SLC49A4: variants seen among roughly 807,000 people sequenced by gnomAD.
SLC49A4 encodes the protein solute carrier family 49 member 4.
Under a neutral mutation model 50.6 loss-of-function variants are expected in SLC49A4, and 36 were observed. The observed-to-expected ratio is 0.71, with a 90% CI of 0.55 to 0.94. The LOEUF (loss-of-function observed/expected upper bound fraction) is 0.94. Among genes scored for constraint, SLC49A4 ranks in the 40% least tolerant of loss-of-function variants. SLC49A4 has a pLI of 0.00. For missense variants in SLC49A4, 503 were observed against 605.7 expected (o/e 0.83, Z 1.78); for synonymous variants, 248 against 241.2 (o/e 1.03, Z -0.26).
intron 6 of SLC49A4, among the ~76,000 whole-genome samples, chr3:122,857,111 C>T (rs1177906710): frequency 1.3e-5 from 2 of 151,982 alleles, no homozygotes; most frequent in Non-Finnish European, 2.9e-5. Flanking sequence ...TCCTGATTAG[C>T]AGACATTATT....
chr3:122,826,897 AG>A lies in SLC49A4; in HGVS notation c.538del (p.Ala180ProfsTer20). On this transcript the variant is annotated frameshift_variant, in exon 3 of 9. Transcript: ENST00000261038. LOFTEE classifies it high-confidence loss of function. ...TACGACGTGGTTTTCTGCAGATGAAAGGGCCACAGCCACAGCTATTGCATCA... is the reference window on the plus strand; with the variant it reads ...TACGACGTGGTTTTCTGCAGATGAAAGGCCACAGCCACAGCTATTGCATCA... ...LSTTWFSADE[R>X]ATATAIASML... 1 of 1,614,222 alleles carries A rather than the reference AG, an allele frequency of 6.2e-7. No homozygotes were observed. Among genetic ancestry groups the A allele is most frequent in the African/African-American group, 1.3e-5 (1 of 75,056 alleles).
At chr3:122,842,435 G>A (rs1055698924) in intron 4 of SLC49A4, among the ~76,000 whole-genome samples, 10 of 130,140 alleles carry the variant, frequency 7.7e-5, no homozygotes, top group Admixed American at 2.8e-4. Context: ...GCAGTGAGCC[G>A]AGATCGCGCC....
At chr3:122,873,183 C>CA (rs1222390937) in intron 8 of SLC49A4, among the ~76,000 whole-genome samples, 1 of 145,746 alleles carries the variant, frequency 6.9e-6, no homozygotes, top group Admixed American at 6.8e-5. Context: ...AATTTTGAAA[C>CA]TTTTTTTTTT....
rs1280675122 is a variant in SLC49A4, at chr3:122,860,184, C to T, written c.1120C>T (p.His374Tyr). Residue 374 changes from histidine (H) to tyrosine (Y), a missense_variant, in exon 7 of 9, where the codon CAC becomes TAC. Physicochemically the swap from His to Tyr is moderately conservative, Grantham distance 83. Transcript: ENST00000261038. ...FTLTCLNSIT[H>Y]LPLTTVTLYA... is the part of the protein sequence containing the mutation. ...CCTGACCTGTTTGAACAGCATCACA[C>T]ACCTACCTTTAACCACAGGTGAGCA... is the stretch of plus-strand genomic sequence containing the variant. The T allele has an allele frequency of 1.2e-6, 2 of 1,605,688 alleles. No homozygotes were observed. The highest frequency in any genetic ancestry group is 2.3e-5 in the East Asian group (1 of 44,364).
chr3:122,878,511 T>C (rs773239510), intron 8 of SLC49A4, among the ~76,000 whole-genome samples: 14 of 152,132 alleles, frequency 9.2e-5, no homozygotes, highest in Non-Finnish European at 2.1e-4. Flanking sequence ...CTGAGGATTG[T>C]CTTGTTGGAG....
At chr3:122,878,600 T>C (rs1937294745) in intron 8 of SLC49A4, among the ~76,000 whole-genome samples, 1 of 152,184 alleles carries the variant, frequency 6.6e-6, no homozygotes, top group Non-Finnish European at 1.5e-5. Flanking sequence ...GAATTGCCCA[T>C]TCAGATGATG....
In SLC49A4 at chr3:122,861,019, C is replaced by T. The variant is rs559623394; in HGVS notation, c.1138+817C>T. On this transcript the variant is annotated intron_variant, in intron 7 of 8. Transcript: ENST00000261038. ...GCAACCTTGGGTCAAGTCCTTTTCA[C>T]GTTGCATTATCTGTGCCTTTCTTCC... is the stretch of plus-strand genomic sequence containing the variant. Among the ~76,000 whole-genome samples the T allele has an allele frequency of 3.7e-4, 57 of 152,298 alleles. 1 individual carries two copies. Among genetic ancestry groups the T allele is most frequent in the African/African-American group, 1.3e-3 (56 of 41,564 alleles).
chr3:122,821,687 C>G (rs1936454897), intron 2 of SLC49A4, among the ~76,000 whole-genome samples: 1 of 152,194 alleles, frequency 6.6e-6, no homozygotes, highest in Admixed American at 6.5e-5. Context: ...AAACTGCCTC[C>G]TCACACTCCT....
At chr3:122,833,192 G>A in intron 3 of SLC49A4, 125 bp from the exon 4 acceptor site, 1 of 921,182 alleles carries the variant, frequency 1.1e-6, no homozygotes, top group Non-Finnish European at 1.7e-6. Context: ...AGTGAGCCAT[G>A]TTCATGCCAC....
chr3:122,796,138 ATGCT>A (rs1936035382), intron 1 of SLC49A4, among the ~76,000 whole-genome samples: 1 of 152,204 alleles, frequency 6.6e-6, no homozygotes. Flanking sequence ...ATGAGTGAAG[ATGCT>A]TGCTTAGAAT....
chr3:122,803,578 A>T (rs937722727), intron 1 of SLC49A4, among the ~76,000 whole-genome samples: 11 of 152,212 alleles, frequency 7.2e-5, no homozygotes, highest in African/African-American at 1.7e-4. Flanking sequence ...GAGCAGGGAA[A>T]AGGGGATCTG....
chr3:122,856,205 C>A, intron 5 of SLC49A4, 102 bp from the exon 6 acceptor site: 1 of 968,938 alleles, frequency 1.0e-6, no homozygotes, highest in Non-Finnish European at 1.6e-6. Context: ...TTATTTCATC[C>A]ATTTAGCTAC....
At chr3:122,796,419 A>T (rs984743346) in intron 1 of SLC49A4, among the ~76,000 whole-genome samples, 1 of 152,200 alleles carries the variant, frequency 6.6e-6, no homozygotes, top group Non-Finnish European at 1.5e-5. Flanking sequence ...GTCTTAGTCC[A>T]CTGGAGCTGC....
intron 2 of SLC49A4, among the ~76,000 whole-genome samples, chr3:122,814,967 C>T (rs943420290): frequency 2.6e-5 from 4 of 152,270 alleles, no homozygotes; most frequent in Admixed American, 2.0e-4. Context: ...CTGAAAGGTC[C>T]TCCAGGACCT....
chr3:122,868,427 G>A (rs1032464691), intron 7 of SLC49A4, among the ~76,000 whole-genome samples: 3 of 152,128 alleles, frequency 2.0e-5, no homozygotes, highest in Admixed American at 6.6e-5. Context: ...TTTAGTATCA[G>A]TATTATACAA....
rs559724420 is a variant in SLC49A4, at chr3:122,873,978, T to C, written c.1321+1381T>C. Among the ~76,000 whole-genome samples, 7 of 152,338 alleles carry C rather than the reference T, an allele frequency of 4.6e-5. No individual in the cohort carries two copies. The South Asian group carries it at 8.3e-4, about 18-fold the overall frequency. ...AGCCGATGGGCACAGCTTTGCTTAG[T>C]GGTTGGTGCCGCCCAGCAGAGCATG... On this transcript the variant is annotated intron_variant, in intron 8 of 8. Coordinates refer to ENST00000261038, the MANE Select transcript of SLC49A4 (RefSeq NM_032839.3).
chr3:122,836,120 T>G (rs2107569422), intron 4 of SLC49A4, among the ~76,000 whole-genome samples: 1 of 152,292 alleles, frequency 6.6e-6, no homozygotes, highest in South Asian at 2.1e-4. Flanking sequence ...CAGTGTGATA[T>G]TGGCTGTGGG....
At chr3:122,798,496 A>T (rs1374256831) in intron 1 of SLC49A4, among the ~76,000 whole-genome samples, 3 of 152,008 alleles carry the variant, frequency 2.0e-5, no homozygotes, top group Non-Finnish European at 4.4e-5. Context: ...AATTCTCTTT[A>T]TTAGGAAGTA....
chr3:122,851,435 T>A (rs1395692071), intron 5 of SLC49A4, among the ~76,000 whole-genome samples: 1 of 152,174 alleles, frequency 6.6e-6, no homozygotes, highest in Non-Finnish European at 1.5e-5. Flanking sequence ...GGCATAGAAT[T>A]ATTGGTTGAC....
Sources: allele counts gnomAD v4.1 joint callset (sites outside exome capture counted in the v4.1 genomes callset), GRCh38; gene constraint gnomAD v4.1.1; transcripts MANE v1.5; gene names NCBI Gene and HGNC (gene_info 2026-07-23, HGNC 2026-07-21).